The following C8B variants were observed in gnomAD, a reference collection of about 807,000 sequenced individuals.
C8B encodes the protein complement component C8 beta chain.
A neutral mutation model predicts 64.6 loss-of-function variants in C8B; 67 were observed. The observed-to-expected ratio is 1.04, with a 90% CI of 0.85 to 1.27. C8B has a LOEUF of 1.27. C8B is among the 50% of genes most tolerant of loss of function. C8B has a pLI of 0.00. For missense variants in C8B, 790 were observed against 725.2 expected (o/e 1.09, Z -1.03); for synonymous variants, 284 against 257.7 (o/e 1.10, Z -0.98).
Position 56,945,880 on chromosome 1 carries a change from A to T in C8B, c.1046T>A (p.Val349Glu). 13 of 1,614,154 alleles carry T rather than the reference A, an allele frequency of 8.1e-6. No individual in the cohort carries two copies. Among genetic ancestry groups the T allele is most frequent in the Non-Finnish European group, 1.1e-5 (13 of 1,180,018 alleles). Residue 349 changes from valine (V) to glutamate (E), a missense_variant, in exon 7 of 12, where the codon GTG (valine) becomes GAG (glutamate). Val to Glu is a moderately radical substitution (Grantham distance 121). Transcript: ENST00000371237. ...GGTGTATTCATAAATGCCCCCAAGC[A>T]CAGCCTCTGTGATGTAGTGGGTCCC... ...DFGTHYITEA[V>E]LGGIYEYTLV...
Position 56,952,057 on chromosome 1 carries a change from G to T in C8B, c.657C>A (p.Tyr219Ter), listed in dbSNP as rs759552062. ...RFRKPYNVES[Y>*]TPQTQGKYEF... The stretch of plus-strand genomic sequence containing the variant: ...CCTGGCTGTCTCTTACCTGTGGCGT[G>T]TAGCTTTCCACATTGTAGGGCTTCC... The change falls in exon 5 of 12, where the codon TAC becomes TAA. Residue 219 changes from tyrosine (Y) to a stop codon, truncating the protein, a stop_gained. Coordinates refer to ENST00000371237, the MANE Select transcript of C8B (RefSeq NM_000066.4). LOFTEE classifies it high-confidence loss of function. The T allele has an allele frequency of 1.9e-6, 3 of 1,614,110 alleles. No homozygotes were observed. The South Asian group carries it at 3.3e-5, about 18-fold the overall frequency.
At chr1:56,948,571 A>G (rs1644976713) in intron 6 of C8B, among the ~76,000 whole-genome samples, 1 of 152,184 alleles carries the variant, frequency 6.6e-6, no homozygotes, top group Admixed American at 6.5e-5. Flanking sequence ...AGAAGCAGTG[A>G]TGAAGGCTCA....
chr1:56,934,404 C>T lies in C8B; in HGVS notation c.1399-916G>A, dbSNP rs139021986. Among the ~76,000 whole-genome samples the T allele has an allele frequency of 1.6e-3, 247 of 152,138 alleles. 1 individual carries two copies. The highest frequency in any genetic ancestry group is 5.6e-3 in the African/African-American group (232 of 41,506). ...TCAGTGGGCATGGCCATGTTTGAGA[C>T]GGAGAAGTCACAGATAGATGTGGCA... On this transcript the variant is annotated intron_variant, in intron 9 of 11. Transcript: ENST00000371237.
In C8B at chr1:56,949,613, C is replaced by T; in HGVS notation, c.806G>A (p.Ser269Asn). Residue 269 changes from serine (S) to asparagine (N), a missense_variant, in exon 6 of 12, where the codon AGT becomes AAT. Physicochemically the swap from Ser to Asn is conservative, Grantham distance 46. Coordinates refer to ENST00000371237, the MANE Select transcript of C8B (RefSeq NM_000066.4). ...GTGTTTGCCTCGATCACTTTGACTA[C>T]TGATGCCAAGTTCAAATATTCCAGG... ...KIPGIFELGI[S>N]SQSDRGKHYI... The T allele has an allele frequency of 6.2e-7, 1 of 1,614,086 alleles. No individual in the cohort carries two copies. The highest frequency in any genetic ancestry group is 8.5e-7 in the Non-Finnish European group (1 of 1,179,972).
At chr1:56,963,832 C>G in intron 1 of C8B, 1 of 983,804 alleles carries the variant, frequency 1.0e-6, no homozygotes. Flanking sequence ...AGTGGCAATA[C>G]ATAATAGGTC....
intron 1 of C8B, among the ~76,000 whole-genome samples, chr1:56,965,398 A>AGTGGGTGT (rs1553120322): frequency 7.0e-6 from 1 of 142,578 alleles, no homozygotes; most frequent in East Asian, 2.1e-4. Flanking sequence ...AGAGAGAGAG[A>AGTGGGTGT]GTGTGTGTGT....
rs1213894478 is a variant in C8B at position 56,956,875 on chromosome 1, G to C, written c.285C>G (p.Phe95Leu). The C allele has an allele frequency of 1.2e-6, 2 of 1,614,016 alleles. No homozygotes were observed. The highest frequency in any genetic ancestry group is 1.7e-5 in the Admixed American group (1 of 60,010). ...RYAYLLQPSQ[F>L]HGEPCNFSDK... is the part of the protein sequence containing the mutation. The stretch of plus-strand genomic sequence containing the variant: ...CAGAGAAGTTGCACGGTTCCCCATG[G>C]AACTGAGAGGGCTGGAGCAAGTAGG... Residue 95 changes from phenylalanine to leucine, a missense_variant, in exon 3 of 12, where the codon TTC becomes TTG. Phe to Leu is a conservative substitution (Grantham distance 22). Transcript: ENST00000371237.
chr1:56,935,019 A>G (rs1203644881), intron 9 of C8B, among the ~76,000 whole-genome samples: 1 of 152,186 alleles, frequency 6.6e-6, no homozygotes, highest in Non-Finnish European at 1.5e-5. Flanking sequence ...GAGGTCTACA[A>G]ATATGATCCT....
intron 3 of C8B, 111 bp from the exon 4 acceptor site, chr1:56,954,938 C>T: frequency 2.3e-6 from 3 of 1,280,762 alleles, no homozygotes; most frequent in Non-Finnish European, 3.4e-6. Context: ...TGCATGCTGC[C>T]CTGTTTTAAT....
At chr1:56,952,986 A>G (rs1384167716) in intron 4 of C8B, among the ~76,000 whole-genome samples, 1 of 152,210 alleles carries the variant, frequency 6.6e-6, no homozygotes, top group Non-Finnish European at 1.5e-5. Flanking sequence ...ATCACAACGC[A>G]TTTACAATAT....
chr1:56,963,607 C>A (rs1645210568), intron 1 of C8B, among the ~76,000 whole-genome samples: 2 of 151,818 alleles, frequency 1.3e-5, no homozygotes, highest in South Asian at 4.2e-4. Flanking sequence ...GGGGAGGGGA[C>A]AACGCATTAG....
chr1:56,957,615 G>A, intron 2 of C8B, among the ~76,000 whole-genome samples: 1 of 152,118 alleles, frequency 6.6e-6, no homozygotes, highest in Non-Finnish European at 1.5e-5. Context: ...AGTCAATATT[G>A]CTATATCTCT....
At chr1:56,942,851 G>T (rs1354673850) in intron 8 of C8B, among the ~76,000 whole-genome samples, 1 of 151,886 alleles carries the variant, frequency 6.6e-6, no homozygotes, top group Non-Finnish European at 1.5e-5. Flanking sequence ...CTTGTAGATG[G>T]CTTGAGCCCA....
chr1:56,940,020 G>A (rs952844658), intron 9 of C8B, among the ~76,000 whole-genome samples: 3 of 151,274 alleles, frequency 2.0e-5, no homozygotes, highest in Admixed American at 2.0e-4. Flanking sequence ...AGTTACGTGT[G>A]TGTGTGTGTG....
chr1:56,960,213 G>A (rs767359652), intron 1 of C8B, 37 bp from the exon 2 acceptor site: 2 of 1,595,902 alleles, frequency 1.3e-6, no homozygotes, highest in Middle Eastern at 1.7e-4. Context: ...TCACGTATCA[G>A]AAGGGAATTA....
intron 1 of C8B, among the ~76,000 whole-genome samples, chr1:56,965,615 C>T (rs552653864): frequency 6.6e-6 from 1 of 152,246 alleles, no homozygotes; most frequent in East Asian, 1.9e-4. Context: ...TCCTATTCTT[C>T]TCAGCATGAC....
At position 56,959,481 on chromosome 1, in the gene C8B, T is replaced by G. The variant is rs1570405504; in HGVS notation, c.249+539A>C. On this transcript the variant is annotated intron_variant, in intron 2 of 11. Coordinates refer to ENST00000371237, the MANE Select transcript of C8B (RefSeq NM_000066.4). Reference sequence around the variant, plus strand: ...GCAGCTCCTGAGTAGGAGTTTCAAATTGTGAGTAGGTGTTCACCAGTGAAG... The same window carrying G: ...GCAGCTCCTGAGTAGGAGTTTCAAAGTGTGAGTAGGTGTTCACCAGTGAAG... 6 of 1,150,602 alleles carry G rather than the reference T, an allele frequency of 5.2e-6. No individual in the cohort carries two copies. The East Asian group carries it at 1.5e-4, about 29-fold the overall frequency. 71.3% of individuals were successfully genotyped at this position (1,150,602 alleles called of 1,614,324 possible). A position where few individuals can be genotyped will look rare whatever the true frequency, so the allele number is the denominator to read the frequency against.
intron 10 of C8B, 119 bp downstream of exon 10, chr1:56,933,216 G>T: frequency 1.2e-6 from 1 of 860,392 alleles, no homozygotes; most frequent in Non-Finnish European, 2.0e-6. Context: ...AGCCAGAGTA[G>T]TATCTCCCAG....
intron 5 of C8B, among the ~76,000 whole-genome samples, chr1:56,951,170 T>C (rs1645015691): frequency 6.6e-6 from 1 of 152,138 alleles, no homozygotes; most frequent in East Asian, 1.9e-4. Context: ...CTCAACCTCC[T>C]GGGCTCAAGT....
Sources: gnomAD v4.1 joint callset for allele counts (sites outside exome capture counted in the v4.1 genomes callset) on GRCh38, gnomAD v4.1.1 for gene constraint, MANE v1.5 for transcripts, NCBI Gene and HGNC (gene_info 2026-07-23, HGNC 2026-07-21) for gene names.